The following TIAM1 variants were observed in gnomAD, a reference collection of about 807,000 sequenced individuals.
The protein encoded by TIAM1 is TIAM Rac1 associated GEF 1.
TIAM1 carries 65 observed loss-of-function variants against 163.5 expected under a neutral mutation model. That is an observed-to-expected ratio of 0.40 (90% CI 0.33 to 0.49). TIAM1 has a LOEUF of 0.49. TIAM1 is among the 20% of genes least tolerant of loss of function. The pLI, the probability that TIAM1 is intolerant of heterozygous loss-of-function variation, is 0.77. For synonymous variants in TIAM1, 833 were observed against 810.1 expected (o/e 1.03, Z -0.48); for missense variants, 1,789 against 2,044.7 (o/e 0.87, Z 2.41).
intron 2 of TIAM1, among the ~76,000 whole-genome samples, chr21:31,356,139 C>T (rs1214346705): frequency 6.6e-6 from 1 of 151,978 alleles, no homozygotes; most frequent in Non-Finnish European, 1.5e-5. Flanking sequence ...GAAAAAAAGT[C>T]CTTTTAACCA....
At chr21:31,230,813 C>T (rs912644658) in intron 6 of TIAM1, among the ~76,000 whole-genome samples, 3 of 152,174 alleles carry the variant, frequency 2.0e-5, no homozygotes, top group Non-Finnish European at 4.4e-5. Context: ...GGATTACAGG[C>T]GTACACCACC....
chr21:31,367,621 G>C (rs1192814500), intron 2 of TIAM1, among the ~76,000 whole-genome samples: 1 of 152,086 alleles, frequency 6.6e-6, no homozygotes, highest in Non-Finnish European at 1.5e-5. Context: ...CAGAAATTCT[G>C]ACAGGCCTCA....
intron 2 of TIAM1, among the ~76,000 whole-genome samples, chr21:31,362,154 C>T (rs564488733): frequency 5.0e-4 from 76 of 151,818 alleles, no homozygotes; most frequent in African/African-American, 1.8e-3. Context: ...AGCTGTCACC[C>T]TATCCCTTTT....
chr21:31,135,001 G>GA (rs961034775), intron 23 of TIAM1, among the ~76,000 whole-genome samples: 7 of 148,556 alleles, frequency 4.7e-5, no homozygotes, highest in African/African-American at 7.4e-5. Context: ...CATCATGGAG[G>GA]AAAAAAAAAA....
Position 31,152,699 on chromosome 21 carries a change from A to G in TIAM1, c.3303T>C (p.Thr1101=), listed in dbSNP as rs2083437940. The part of the protein sequence containing the change: ...MVEFQVEFLK[T]LEDGVRLVPD... ...GTACCAGTCTCACTCCATCTTCTAG[A>G]GTTTTAAGGAATTCTACTTGAAACT... Residue 1101 remains threonine (T), a synonymous_variant, in exon 19 of 28, where the codon ACT becomes ACC. Transcript: ENST00000541036. The G allele has an allele frequency of 3.7e-6, 6 of 1,614,102 alleles. No individual in the cohort carries two copies. In the South Asian group the frequency reaches 5.5e-5, roughly 15 times the overall value.
chr21:31,260,844 G>A (rs1180791421), intron 4 of TIAM1, among the ~76,000 whole-genome samples: 1 of 152,096 alleles, frequency 6.6e-6, no homozygotes, highest in Non-Finnish European at 1.5e-5. Flanking sequence ...GACTTTAGGG[G>A]ACCTATGGAT....
chr21:31,241,132 A>G (rs1328758391), intron 6 of TIAM1, among the ~76,000 whole-genome samples: 1 of 152,142 alleles, frequency 6.6e-6, no homozygotes, highest in Non-Finnish European at 1.5e-5. Flanking sequence ...AGCCATGTGG[A>G]ACTGTGAGTC....
rs543230845 is a variant in TIAM1, at chr21:31,414,739, G to A, written c.-369+49244C>T. On this transcript the variant is annotated intron_variant, in intron 2 of 28. Coordinates refer to the TIAM1 transcript ENST00000286827. The stretch of plus-strand genomic sequence containing the variant: ...GAAATTCTCTCTTCTGTTGCCACTG[G>A]TGCAGATGGATGAGATCTGAGAATC... Among the ~76,000 whole-genome samples the A allele has an allele frequency of 5.3e-5, 8 of 152,326 alleles. No individual in the cohort carries two copies. In the East Asian group the frequency reaches 9.7e-4, roughly 18 times the overall value.
chr21:31,298,504 T>A (rs1038035325), intron 2 of TIAM1, among the ~76,000 whole-genome samples: 2 of 152,144 alleles, frequency 1.3e-5, no homozygotes, highest in Non-Finnish European at 2.9e-5. Flanking sequence ...GATCAAGGTG[T>A]TTACTTAATT....
Position 31,535,614 on chromosome 21 carries a change from C to T in TIAM1, c.-422+23313G>A, listed in dbSNP as rs147406728. On this transcript the variant is annotated intron_variant, in intron 1 of 28. Coordinates refer to the TIAM1 transcript ENST00000286827. ...TGCCCACGTAAAGGGGATGTCAGAGCTCCTGGAGCTTTGGGACAGCCACAA... is the reference window on the plus strand; with the variant it reads ...TGCCCACGTAAAGGGGATGTCAGAGTTCCTGGAGCTTTGGGACAGCCACAA... 2.3e-3 allele frequency among the ~76,000 whole-genome samples: 351 copies of T among 152,176 alleles called. 2 individuals are homozygous for T. The highest frequency in any genetic ancestry group is 6.8e-3 in the Middle Eastern group (2 of 294).
intron 2 of TIAM1, among the ~76,000 whole-genome samples, chr21:31,460,241 CCT>C (rs2045272918): frequency 6.6e-6 from 1 of 152,256 alleles, no homozygotes; most frequent in African/African-American, 2.4e-5. Context: ...AGGATGATCC[CCT>C]GTCCCTGCCT....
intron 2 of TIAM1, among the ~76,000 whole-genome samples, chr21:31,394,214 C>T (rs771951124): frequency 3.9e-5 from 6 of 152,142 alleles, no homozygotes; most frequent in Non-Finnish European, 7.4e-5. Flanking sequence ...TATGGAAGAA[C>T]CTTGAAGACA....
chr21:31,208,960 T>A (rs2086585826), intron 11 of TIAM1, among the ~76,000 whole-genome samples: 1 of 152,108 alleles, frequency 6.6e-6, no homozygotes, highest in Non-Finnish European at 1.5e-5. Flanking sequence ...TTCATTTTTT[T>A]TTTTAGCAGC....
intron 2 of TIAM1, among the ~76,000 whole-genome samples, chr21:31,457,558 TAAC>T (rs1452448936): frequency 1.3e-5 from 2 of 152,088 alleles, no homozygotes; most frequent in African/African-American, 4.8e-5. Context: ...AAGACAATGA[TAAC>T]AAAGGAACGG....
chr21:31,223,388 T>G lies in TIAM1; in HGVS notation c.1995+18A>C, dbSNP rs545730382. On this transcript the variant is annotated intron_variant, in intron 8 of 27. Coordinates refer to ENST00000541036, the MANE Select transcript of TIAM1 (RefSeq NM_001353694.2). Reference sequence around the variant, plus strand: ...GTCAAGCTTAATGTTTTTCAAAAATTCATTAGCTTCTACTCACCAGGGCAT... The same window carrying G: ...GTCAAGCTTAATGTTTTTCAAAAATGCATTAGCTTCTACTCACCAGGGCAT... The G allele has an allele frequency of 6.3e-7, 1 of 1,583,790 alleles. No homozygotes were observed. Among genetic ancestry groups the G allele is most frequent in the South Asian group, 1.1e-5 (1 of 87,566 alleles).
chr21:31,443,079 C>T (rs2044493925), intron 2 of TIAM1, among the ~76,000 whole-genome samples: 1 of 152,146 alleles, frequency 6.6e-6, no homozygotes, highest in African/African-American at 2.4e-5. Context: ...AGCGTATCTG[C>T]CTGAGAAGTA....
chr21:31,394,921 T>A (rs2077036727), intron 2 of TIAM1, among the ~76,000 whole-genome samples: 1 of 152,042 alleles, frequency 6.6e-6, no homozygotes, highest in Admixed American at 6.6e-5. Context: ...TTGCTACCCA[T>A]GAGCTACAGG....
At chr21:31,298,096 T>C (rs922667055) in intron 2 of TIAM1, among the ~76,000 whole-genome samples, 3 of 152,282 alleles carry the variant, frequency 2.0e-5, no homozygotes, top group Middle Eastern at 6.8e-3. Flanking sequence ...TCTGTGTAAG[T>C]GGCCTGTCCA....
intron 2 of TIAM1, among the ~76,000 whole-genome samples, chr21:31,381,607 G>A (rs2076780586): frequency 6.6e-6 from 1 of 152,184 alleles, no homozygotes; most frequent in East Asian, 1.9e-4. Context: ...GGCGGAGGTT[G>A]CAGTGAGCTG....
Sources: gnomAD v4.1 joint callset for allele counts (sites outside exome capture counted in the v4.1 genomes callset) on GRCh38, gnomAD v4.1.1 for gene constraint, MANE v1.5 for transcripts, NCBI Gene and HGNC (gene_info 2026-07-23, HGNC 2026-07-21) for gene names.